Variants in SPACA3 observed in about 807,000 individuals in gnomAD.
The protein encoded by SPACA3 is sperm acrosome membrane-associated protein 3.
A neutral mutation model predicts 24.5 loss-of-function variants in SPACA3; 21 were observed. The ratio of observed to expected loss-of-function variants is 0.86; its 90% CI spans 0.61 to 1.24. SPACA3 has a LOEUF of 1.24. Ranked by LOEUF, SPACA3 falls within the 50% of genes most tolerant of loss-of-function variation. The pLI is 0.00. For synonymous variants in SPACA3, 115 were observed against 106.9 expected (o/e 1.08, Z -0.47); for missense variants, 278 against 275.5 (o/e 1.01, Z -0.06).
At chr17:32,993,339 C>A (rs2151127505) in intron 1 of SPACA3, among the ~76,000 whole-genome samples, 1 of 152,266 alleles carries the variant, frequency 6.6e-6, no homozygotes. Context: ...CAGGCGGTGG[C>A]TAACAGCAGG....
At chr17:32,992,711 C>G (rs1461628882) in intron 1 of SPACA3, 1 of 364,752 alleles carries the variant, frequency 2.7e-6, no homozygotes, top group Non-Finnish European at 5.4e-6. Flanking sequence ...TCAGAGTTAA[C>G]CATGTAGAGG....
chr17:32,993,727 G>A (rs566209122), intron 1 of SPACA3, among the ~76,000 whole-genome samples: 5 of 152,140 alleles, frequency 3.3e-5, no homozygotes, highest in Non-Finnish European at 7.4e-5. Flanking sequence ...GAGAAGAGGG[G>A]GAAAGAGACA....
intron 1 of SPACA3, among the ~76,000 whole-genome samples, chr17:32,994,712 G>A (rs2091711453): frequency 6.6e-6 from 1 of 152,126 alleles, no homozygotes; most frequent in Non-Finnish European, 1.5e-5. Flanking sequence ...GAGACACAGA[G>A]GAACTGGAGG....
Position 32,997,731 on chromosome 17 carries a change from T to C in SPACA3, c.601T>C (p.Cys201Arg). 1 of 1,614,222 alleles carries C rather than the reference T, an allele frequency of 6.2e-7. No individual in the cohort carries two copies. Among genetic ancestry groups the C allele is most frequent in the South Asian group, 1.1e-5 (1 of 91,082 alleles). ...LGYWEAWRHHCQGKDLTEWVD... is the reference protein window; with the variant it reads ...LGYWEAWRHHRQGKDLTEWVD... ...CCTCAGGGAGGCCTGGAGGCATCAC[T>C]GCCAGGGAAAAGACCTCACTGAATG... Residue 201 changes from cysteine to arginine, a missense_variant, in exon 5 of 5, where the codon TGC becomes CGC. By Grantham distance (180) the Cys-to-Arg change is radical. Coordinates refer to ENST00000269053, the MANE Select transcript of SPACA3 (RefSeq NM_173847.5).
intron 2 of SPACA3, 105 bp from the exon 3 acceptor site, chr17:32,996,738 G>A: frequency 1.6e-6 from 2 of 1,288,710 alleles, no homozygotes; most frequent in Non-Finnish European, 2.0e-6. Flanking sequence ...CCTTGATCAG[G>A]CAGGAGAGGC....
At chr17:32,995,785 C>G in intron 2 of SPACA3, 68 bp downstream of exon 2, 2 of 1,524,022 alleles carry the variant, frequency 1.3e-6, no homozygotes, top group Non-Finnish European at 8.9e-7. Context: ...CTCCCTCTCT[C>G]CTTCTCATTC....
intron 1 of SPACA3, among the ~76,000 whole-genome samples, chr17:32,993,490 G>GAAACCTGGC (rs1598221943): frequency 6.6e-6 from 1 of 152,188 alleles, no homozygotes; most frequent in East Asian, 1.9e-4. Context: ...GAGGGAGGAG[G>GAAACCTGGC]AAACCTGGGA....
Position 32,995,690 on chromosome 17 carries a change from G to C in SPACA3, c.316G>C (p.Gly106Arg). Residue 106 changes from glycine (G) to arginine (R), a missense_variant, in exon 2 of 5, where the codon GGA (glycine) becomes CGA (arginine). Gly to Arg is a moderately radical substitution (Grantham distance 125). Transcript: ENST00000269053. ...ARVLHDFGLD[G>R]YRGYSLADWV... ...AGTGCTACATGACTTCGGGCTGGACGGATACCGGGGATACAGCCTGGCTGA... is the reference window on the plus strand; with the variant it reads ...AGTGCTACATGACTTCGGGCTGGACCGATACCGGGGATACAGCCTGGCTGA... 6.2e-7 allele frequency: 1 copy of C among 1,613,644 alleles called. No homozygotes were observed. The highest frequency in any genetic ancestry group is 8.5e-7 in the Non-Finnish European group (1 of 1,179,578).
chr17:32,991,942 G>A lies in SPACA3; in HGVS notation c.4G>A (p.Val2Ile), dbSNP rs1383555984. Residue 2 changes from valine (V) to isoleucine (I), a missense_variant, in exon 1 of 5, where the codon GTC becomes ATC. Transcript: ENST00000269053. MVSALRGAPLIR... is the reference protein window; with the variant it reads MISALRGAPLIR... ...TGCTGCTGCTGCCATTGTCACCATGGTCTCAGCTCTGCGGGGAGCACCCCT... is the reference window on the plus strand; with the variant it reads ...TGCTGCTGCTGCCATTGTCACCATGATCTCAGCTCTGCGGGGAGCACCCCT... 1.9e-6 allele frequency: 3 copies of A among 1,613,992 alleles called. No homozygotes were observed.
intron 3 of SPACA3, 86 bp downstream of exon 3, chr17:32,997,087 C>G: frequency 7.1e-7 from 1 of 1,416,014 alleles, no homozygotes; most frequent in Non-Finnish European, 9.4e-7. Context: ...CTACCCCCAT[C>G]TCTGAGTGAG....
intron 2 of SPACA3, 89 bp downstream of exon 2, chr17:32,995,806 G>A: frequency 7.0e-7 from 1 of 1,420,066 alleles, no homozygotes; most frequent in Non-Finnish European, 9.5e-7. Flanking sequence ...AAGGGCTGTG[G>A]CTTCGGGAGC....
chr17:32,996,912 C>T lies in SPACA3; in HGVS notation c.413C>T (p.Thr138Ile), dbSNP rs748201618. ...TTGGACTACGAGGCTGATGGGAGCA[C>T]CAACAACGGGATCTTCCAGATCAAC... ...AALDYEADGSTNNGIFQINSR... is the reference protein window; with the variant it reads ...AALDYEADGSINNGIFQINSR... Residue 138 changes from threonine (T) to isoleucine (I), a missense_variant, in exon 3 of 5, where the codon ACC becomes ATC. By Grantham distance (89) the Thr-to-Ile change is moderately conservative. Transcript: ENST00000269053. 1 of 1,610,298 alleles carries T rather than the reference C, an allele frequency of 6.2e-7. No individual in the cohort carries two copies. Among genetic ancestry groups the T allele is most frequent in the South Asian group, 1.1e-5 (1 of 90,230 alleles).
At chr17:32,994,533 C>T (rs1031850272) in intron 1 of SPACA3, among the ~76,000 whole-genome samples, 1 of 152,164 alleles carries the variant, frequency 6.6e-6, no homozygotes, top group African/African-American at 2.4e-5. Flanking sequence ...ACAACTCTTT[C>T]ACTTTTTGAC....
At chr17:32,995,347 C>A in intron 1 of SPACA3, 62 bp from the exon 2 acceptor site, 2 of 1,475,318 alleles carry the variant, frequency 1.4e-6, no homozygotes, top group Non-Finnish European at 9.2e-7. Flanking sequence ...TGCAAGGGGG[C>A]TGATACGTGC....
intron 1 of SPACA3, among the ~76,000 whole-genome samples, chr17:32,992,514 A>G (rs954409979): frequency 2.6e-5 from 4 of 152,170 alleles, no homozygotes; most frequent in African/African-American, 9.7e-5. Context: ...TAAATAAGAC[A>G]TGCAGATAAA....
intron 2 of SPACA3, 69 bp from the exon 3 acceptor site, chr17:32,996,774 G>T: frequency 7.0e-7 from 1 of 1,424,464 alleles, no homozygotes. Context: ...TGGGACCTGT[G>T]CAGTGAGCAC....
chr17:32,996,735 CA>C, intron 2 of SPACA3, 107 bp from the exon 3 acceptor site: 2 of 1,253,684 alleles, frequency 1.6e-6, no homozygotes, highest in South Asian at 5.6e-5. Context: ...TCACCTTGAT[CA>C]GGCAGGAGAG....
At chr17:32,997,080 C>A in intron 3 of SPACA3, 79 bp downstream of exon 3, 1 of 1,444,492 alleles carries the variant, frequency 6.9e-7, no homozygotes, top group South Asian at 1.5e-5. Context: ...TAGTTTGCTA[C>A]CCCCATCTCT....
chr17:32,992,112 A>G, intron 1 of SPACA3, 140 bp downstream of exon 1: 2 of 584,310 alleles, frequency 3.4e-6, no homozygotes, highest in South Asian at 4.9e-5. Context: ...GAGAGAGGAG[A>G]GAGAGAGAGA....
Sources: gnomAD v4.1 joint callset for allele counts (sites outside exome capture counted in the v4.1 genomes callset) on GRCh38, gnomAD v4.1.1 for gene constraint, MANE v1.5 for transcripts, NCBI Gene and HGNC (gene_info 2026-07-23, HGNC 2026-07-21) for gene names.